The following FSTL5 variants were observed in gnomAD, a reference collection of about 807,000 sequenced individuals.
FSTL5 encodes the protein follistatin-related protein 5.
Under a neutral mutation model 89.1 loss-of-function variants are expected in FSTL5, and 62 were observed. The ratio of observed to expected loss-of-function variants is 0.70; its 90% CI spans 0.57 to 0.86. FSTL5 has a LOEUF of 0.86. Ranked by LOEUF, FSTL5 falls within the 40% of genes least tolerant of loss-of-function variation. The pLI is 0.00. For missense variants in FSTL5, 1,057 were observed against 1,001.6 expected, an observed-to-expected ratio of 1.06 and a Z score of -0.75; for synonymous variants, 383 against 346.2, an observed-to-expected ratio of 1.11 and a Z score of -1.18.
At chr4:162,035,866 A>C (rs189645290) in intron 2 of FSTL5, among the ~76,000 whole-genome samples, 1 of 152,230 alleles carries the variant, frequency 6.6e-6, no homozygotes, top group Admixed American at 6.5e-5. Flanking sequence ...TTGCTGATAC[A>C]TTAAAGTTTT....
chr4:161,786,722 T>C (rs1405357507), intron 4 of FSTL5, among the ~76,000 whole-genome samples: 4 of 152,116 alleles, frequency 2.6e-5, no homozygotes, highest in African/African-American at 9.6e-5. Context: ...CATTCTCTAC[T>C]ATATGATGAT....
chr4:161,732,937 CT>C lies in FSTL5; in HGVS notation c.727+26473del, dbSNP rs914937942. On this transcript the variant is annotated intron_variant, in intron 6 of 15. Coordinates refer to ENST00000306100, the MANE Select transcript of FSTL5 (RefSeq NM_020116.5). ...ATTAGATATTAATTCTTCAGCTTTTCTTTTTTTTTTAAAATAACTTTGGTTA... is the reference window on the plus strand; with the variant it reads ...ATTAGATATTAATTCTTCAGCTTTTCTTTTTTTTTAAAATAACTTTGGTTA... Among the ~76,000 whole-genome samples the C allele has an allele frequency of 1.2e-3, 169 of 145,168 alleles. 1 individual carries two copies. Among genetic ancestry groups the C allele is most frequent in the African/African-American group, 3.6e-3 (144 of 39,854 alleles).
At chr4:161,456,329 C>T (rs1220819267) in intron 14 of FSTL5, among the ~76,000 whole-genome samples, 5 of 151,972 alleles carry the variant, frequency 3.3e-5, no homozygotes, top group Admixed American at 3.3e-4. Flanking sequence ...CTTGAGAATC[C>T]ACCTGAGGAC....
Position 161,613,448 on chromosome 4 carries a change from C to CAA in FSTL5, c.895-25875_895-25874dup, listed in dbSNP as rs557598699. Among the ~76,000 whole-genome samples, 224 of 109,572 alleles carry CAA rather than the reference C, an allele frequency of 2.0e-3. 2 individuals carry two copies. Among genetic ancestry groups the CAA allele is most frequent in the East Asian group, 8.7e-3 (35 of 4,026 alleles). The allele number at this position is 109,572 out of a possible 152,430, so 71.9% of individuals were successfully genotyped here. On this transcript the variant is annotated intron_variant, in intron 7 of 15. Transcript: ENST00000306100. ...CTGGCGACAGAGTGAGTCTCCGTTTCAAAAAAAAAAAAAAATGATAATTGT... is the reference window on the plus strand; with the variant it reads ...CTGGCGACAGAGTGAGTCTCCGTTTCAAAAAAAAAAAAAAAAATGATAATTGT...
chr4:161,478,360 T>G (rs1729370229), intron 13 of FSTL5, among the ~76,000 whole-genome samples: 1 of 152,152 alleles, frequency 6.6e-6, no homozygotes, highest in African/African-American at 2.4e-5. Context: ...GTTCATAATA[T>G]TTTAATCAAC....
intron 7 of FSTL5, among the ~76,000 whole-genome samples, chr4:161,636,134 C>T (rs1304150590): frequency 2.7e-5 from 4 of 150,706 alleles, no homozygotes; most frequent in African/African-American, 7.3e-5. Flanking sequence ...AATTGAATTT[C>T]ATTATATAAC....
At chr4:162,143,651 A>T (rs1462233854) in intron 1 of FSTL5, among the ~76,000 whole-genome samples, 1 of 151,974 alleles carries the variant, frequency 6.6e-6, no homozygotes, top group Non-Finnish European at 1.5e-5. Context: ...ATCATTACAA[A>T]CTATTTAAAA....
intron 6 of FSTL5, among the ~76,000 whole-genome samples, chr4:161,753,142 T>C (rs992234983): frequency 2.6e-5 from 4 of 152,196 alleles, no homozygotes; most frequent in African/African-American, 9.7e-5. Flanking sequence ...TTCTGACAGA[T>C]CTTCAGTTTC....
At chr4:161,795,554 T>C (rs1560850773) in intron 4 of FSTL5, among the ~76,000 whole-genome samples, 1 of 152,112 alleles carries the variant, frequency 6.6e-6, no homozygotes, top group Non-Finnish European at 1.5e-5. Flanking sequence ...GATGTTTCAA[T>C]ATACACAGAG....
Position 162,119,564 on chromosome 4 carries a change from T to C in FSTL5, c.-16-8152A>G, listed in dbSNP as rs548543153. 1.3e-4 allele frequency among the ~76,000 whole-genome samples: 20 copies of C among 152,350 alleles called. No homozygotes were observed. The East Asian group carries it at 2.7e-3, about 21-fold the overall frequency. On this transcript the variant is annotated intron_variant, in intron 1 of 15. Transcript: ENST00000306100. ...TTGGGACAAAAATTATACCCATTTA[T>C]GGGGTACATTTTTAATGTATAGGCA...
intron 11 of FSTL5, among the ~76,000 whole-genome samples, chr4:161,504,514 G>A (rs530741107): frequency 6.6e-6 from 1 of 151,562 alleles, no homozygotes; most frequent in Non-Finnish European, 1.5e-5. Flanking sequence ...GGTGAAGGCA[G>A]GCAAAAGCGC....
chr4:161,640,605 T>A (rs531081457), intron 7 of FSTL5, among the ~76,000 whole-genome samples: 2 of 152,142 alleles, frequency 1.3e-5, no homozygotes, highest in Admixed American at 6.5e-5. Context: ...TAGTAGTAAA[T>A]CATGAAGCCT....
chr4:162,073,738 A>G lies in FSTL5; in HGVS notation c.126+37533T>C, dbSNP rs550406179. On this transcript the variant is annotated intron_variant, in intron 2 of 15. Transcript: ENST00000306100. ...TAGTTCTAAATCAGAATATCTACTT[A>G]TTCTGGTATAATTGCATATGAAATT... 2.0e-5 allele frequency among the ~76,000 whole-genome samples: 3 copies of G among 151,918 alleles called. No individual in the cohort carries two copies. In the East Asian group the frequency reaches 5.8e-4, roughly 30 times the overall value.
At chr4:161,888,680 A>C (rs1293694551) in intron 4 of FSTL5, among the ~76,000 whole-genome samples, 3 of 152,210 alleles carry the variant, frequency 2.0e-5, no homozygotes, top group Non-Finnish European at 2.9e-5. Flanking sequence ...AATTATATTT[A>C]ATATATATTA....
chr4:162,079,573 G>A (rs906054362), intron 2 of FSTL5, among the ~76,000 whole-genome samples: 4 of 151,460 alleles, frequency 2.6e-5, no homozygotes, highest in Middle Eastern at 3.4e-3. Context: ...CCTTAAACTC[G>A]CATATGTAAA....
At chr4:162,139,469 C>T (rs79087028) in intron 1 of FSTL5, among the ~76,000 whole-genome samples, 1 of 146,816 alleles carries the variant, frequency 6.8e-6, no homozygotes, top group East Asian at 2.0e-4. Flanking sequence ...CACACACACA[C>T]ACAAACACAC....
At chr4:162,109,914 T>C (rs1731369654) in intron 2 of FSTL5, among the ~76,000 whole-genome samples, 1 of 152,074 alleles carries the variant, frequency 6.6e-6, no homozygotes. Context: ...GCTATATTAA[T>C]AATGTGTTCT....
chr4:161,508,598 A>G (rs1315907893), intron 11 of FSTL5, among the ~76,000 whole-genome samples: 5 of 152,182 alleles, frequency 3.3e-5, no homozygotes, highest in Non-Finnish European at 7.4e-5. Flanking sequence ...GATTTATATA[A>G]TGAATTTCAT....
chr4:161,470,571 G>T (rs1345071790), intron 13 of FSTL5, among the ~76,000 whole-genome samples: 4 of 151,726 alleles, frequency 2.6e-5, no homozygotes, highest in African/African-American at 9.7e-5. Flanking sequence ...TTGCTATTTA[G>T]GGTCCCTTAA....
Sources: gnomAD v4.1 joint callset for allele counts (sites outside exome capture counted in the v4.1 genomes callset) on GRCh38, gnomAD v4.1.1 for gene constraint, MANE v1.5 for transcripts, NCBI Gene and HGNC (gene_info 2026-07-23, HGNC 2026-07-21) for gene names.